RFX2: variants seen among roughly 807,000 people sequenced by gnomAD.
RFX2 encodes the protein DNA-binding protein RFX2.
Under a neutral mutation model 87.8 loss-of-function variants are expected in RFX2, and 20 were observed. The observed-to-expected ratio is 0.23, with a 90% CI of 0.16 to 0.33. The LOEUF (loss-of-function observed/expected upper bound fraction) is 0.33. RFX2 is among the 10% of genes least tolerant of loss of function. RFX2 has a pLI of 1.00. For synonymous variants in RFX2, 397 were observed against 431.3 expected (o/e 0.92, Z 0.98); for missense variants, 767 against 1,012.3 (o/e 0.76, Z 3.29).
intron 3 of RFX2, among the ~76,000 whole-genome samples, chr19:6,042,913 T>C (rs1270468355): frequency 2.6e-5 from 4 of 152,108 alleles, no homozygotes; most frequent in South Asian, 4.1e-4. Context: ...AATTTTGGGG[T>C]GAGAAGATGG....
rs2086599452 is a variant in RFX2 at position 6,007,557 on chromosome 19, A to G, written c.1247+133T>C. Reference sequence around the variant, plus strand: ...GTCAACTCTACCAAGTCTAAAAATTACAGGGATGGAGGCAGAGGGGTCTGA... The same window carrying G: ...GTCAACTCTACCAAGTCTAAAAATTGCAGGGATGGAGGCAGAGGGGTCTGA... On this transcript the variant is annotated intron_variant, in intron 11 of 17. Transcript: ENST00000303657. The surrounding 1 kb of genome is among the most constrained non-coding windows in gnomAD (Gnocchi z 8.2). 3.2e-6 allele frequency: 2 copies of G among 625,124 alleles called. No individual in the cohort carries two copies. Among genetic ancestry groups the G allele is most frequent in the Admixed American group, 5.7e-5 (2 of 34,854 alleles). The allele number at this position is 625,124 out of a possible 1,614,324, so 38.7% of individuals were successfully genotyped here.
At chr19:6,051,137 T>C (rs955674928) in intron 1 of RFX2, among the ~76,000 whole-genome samples, 3 of 152,192 alleles carry the variant, frequency 2.0e-5, no homozygotes, top group Non-Finnish European at 2.9e-5. Context: ...GAAATGCTAA[T>C]GGAAGTTCTT....
intron 1 of RFX2, among the ~76,000 whole-genome samples, chr19:6,068,809 T>C (rs2087551464): frequency 6.6e-6 from 1 of 152,188 alleles, no homozygotes; most frequent in South Asian, 2.1e-4. Flanking sequence ...ATGGCCTGGT[T>C]TGACTTGCAT....
Position 6,004,391 on chromosome 19 carries a change from T to A in RFX2, c.1403-93A>T. Reference sequence around the variant, plus strand: ...AGTGTAAGAGCTGGCCCAAGTGCGATGAAAATGACCACCATGAAGAACGAG... The same window carrying A: ...AGTGTAAGAGCTGGCCCAAGTGCGAAGAAAATGACCACCATGAAGAACGAG... On this transcript the variant is annotated intron_variant, in intron 12 of 17. Transcript: ENST00000303657. This position sits in a 1 kb window ranked among gnomAD's most constrained non-coding sequence, Gnocchi z 4.8. 9.7e-7 allele frequency: 1 copy of A among 1,034,108 alleles called. No individual in the cohort carries two copies. Among genetic ancestry groups the A allele is most frequent in the Non-Finnish European group, 1.5e-6 (1 of 657,938 alleles). 64.1% of individuals were successfully genotyped at this position (1,034,108 alleles called of 1,614,324 possible). A position where few individuals can be genotyped will look rare whatever the true frequency, so the allele number is the denominator to read the frequency against.
chr19:6,005,728 T>C (rs2086571197), intron 12 of RFX2, among the ~76,000 whole-genome samples: 1 of 152,132 alleles, frequency 6.6e-6, no homozygotes, highest in Non-Finnish European at 1.5e-5. Flanking sequence ...GGCTGGGGGT[T>C]AAAGGTCAGC....
At chr19:6,069,881 T>C (rs1211730516) in intron 1 of RFX2, among the ~76,000 whole-genome samples, 1 of 152,044 alleles carries the variant, frequency 6.6e-6, no homozygotes, top group African/African-American at 2.4e-5. Context: ...AAGAGGAAAC[T>C]GAGAGCGGGT....
chr19:6,105,553 G>T (rs1347715832), intron 1 of RFX2, among the ~76,000 whole-genome samples: 1 of 152,130 alleles, frequency 6.6e-6, no homozygotes, highest in East Asian at 1.9e-4. Flanking sequence ...TCGAGCTGAG[G>T]GGTATGAAGT....
At chr19:6,087,437 G>C (rs569500495) in intron 1 of RFX2, among the ~76,000 whole-genome samples, 8 of 152,312 alleles carry the variant, frequency 5.3e-5, no homozygotes, top group African/African-American at 1.9e-4. Context: ...AAGCCCAGGA[G>C]GGAGATGCCT....
intron 1 of RFX2, chr19:6,072,124 A>G (rs2087615188): frequency 6.6e-6 from 1 of 152,144 alleles, no homozygotes; most frequent in African/African-American, 2.4e-5. Context: ...TTTTGGATAA[A>G]AAAATGGAAT....
chr19:6,074,034 G>C lies in RFX2; in HGVS notation c.-8-26530C>G, dbSNP rs2087647409. On this transcript the variant is annotated intron_variant, in intron 1 of 17. Transcript: ENST00000303657. This position sits in a 1 kb window ranked among gnomAD's most constrained non-coding sequence, Gnocchi z 5.2. ...GGCAGCCCCCAGACAGGCCGGCCCT[G>C]GGTAGCAGGAACTCGTTCTGCCCCA... Among the ~76,000 whole-genome samples, 1 of 152,210 alleles carries C rather than the reference G, an allele frequency of 6.6e-6. No homozygotes were observed. The highest frequency in any genetic ancestry group is 2.4e-5 in the African/African-American group (1 of 41,456).
chr19:6,084,792 G>A (rs1238531195), intron 1 of RFX2, among the ~76,000 whole-genome samples: 7 of 152,046 alleles, frequency 4.6e-5, no homozygotes, highest in South Asian at 2.1e-4. Context: ...CTGCCACCAC[G>A]CCCGGCTAAT....
intron 1 of RFX2, among the ~76,000 whole-genome samples, chr19:6,062,952 G>A (rs979670715): frequency 1.6e-4 from 25 of 152,094 alleles, no homozygotes; most frequent in Non-Finnish European, 2.4e-4. Flanking sequence ...ATATCTGCTC[G>A]TCCTTTCCCT....
intron 6 of RFX2, among the ~76,000 whole-genome samples, chr19:6,018,328 G>A (rs541552439): frequency 5.6e-4 from 86 of 152,230 alleles, no homozygotes; most frequent in African/African-American, 2.0e-3. Flanking sequence ...CTGCACCAGC[G>A]ACCAGCACCT....
chr19:6,054,632 A>G (rs1295772530), intron 1 of RFX2, among the ~76,000 whole-genome samples: 2 of 152,216 alleles, frequency 1.3e-5, no homozygotes, highest in Non-Finnish European at 1.5e-5. Context: ...CAGAGAAAGA[A>G]GTCTTTTAAA....
chr19:6,068,774 G>A (rs2087550859), intron 1 of RFX2, among the ~76,000 whole-genome samples: 1 of 152,210 alleles, frequency 6.6e-6, no homozygotes, highest in Non-Finnish European at 1.5e-5. Flanking sequence ...GTAAATGGAA[G>A]CCATCACAAG....
chr19:6,085,165 T>C (rs2087839971), intron 1 of RFX2, among the ~76,000 whole-genome samples: 1 of 151,998 alleles, frequency 6.6e-6, no homozygotes, highest in African/African-American at 2.4e-5. Flanking sequence ...AACATGAGTG[T>C]ACAAATCCCT....
chr19:6,017,926 C>A lies in RFX2; in HGVS notation c.598-1655G>T, dbSNP rs2086753013. Among the ~76,000 whole-genome samples the A allele has an allele frequency of 6.8e-6, 1 of 146,834 alleles. No homozygotes were observed. Among genetic ancestry groups the A allele is most frequent in the African/African-American group, 2.5e-5 (1 of 40,492 alleles). ...CCTGTCTGTTTGCCCCATCCCCACCCCCCCAACTCAGCATTAGAAGCTGGG... is the reference window on the plus strand; with the variant it reads ...CCTGTCTGTTTGCCCCATCCCCACCACCCCAACTCAGCATTAGAAGCTGGG... On this transcript the variant is annotated intron_variant, in intron 6 of 17. Coordinates refer to ENST00000303657, the MANE Select transcript of RFX2 (RefSeq NM_000635.4). The surrounding 1 kb of genome is among the most constrained non-coding windows in gnomAD (Gnocchi z 4.1).
intron 5 of RFX2, among the ~76,000 whole-genome samples, chr19:6,036,392 C>A (rs1015064779): frequency 5.3e-5 from 8 of 152,092 alleles, no homozygotes; most frequent in Non-Finnish European, 1.0e-4. Flanking sequence ...GTCCTCAAAG[C>A]CAGGGCCTGG....
intron 1 of RFX2, among the ~76,000 whole-genome samples, chr19:6,060,324 A>G (rs1434017687): frequency 6.6e-6 from 1 of 152,192 alleles, no homozygotes; most frequent in Non-Finnish European, 1.5e-5. Context: ...GCAGAAGCCT[A>G]AAATATGTAC....
Sources: gnomAD v4.1 joint callset for allele counts (sites outside exome capture counted in the v4.1 genomes callset) on GRCh38, gnomAD v4.1.1 for gene constraint, Gnocchi (gnomAD v3.1) non-coding constraint, MANE v1.5 for transcripts, NCBI Gene and HGNC (gene_info 2026-07-23, HGNC 2026-07-21) for gene names.